Variants in NBEA observed in about 807,000 individuals in gnomAD.
NBEA encodes neurobeachin, also known as lysosomal-trafficking regulator 2.
A neutral mutation model predicts 343.4 loss-of-function variants in NBEA; 44 were observed. The ratio of observed to expected loss-of-function variants is 0.13; its 90% CI spans 0.10 to 0.16. The LOEUF is 0.16. Ranked by LOEUF, NBEA falls within the 10% of genes least tolerant of loss-of-function variation. The pLI is 1.00. For synonymous variants in NBEA, 1,175 were observed against 1,238.7 expected (o/e 0.95, Z 1.08); for missense variants, 2,555 against 3,631.3 (o/e 0.70, Z 7.62).
chr13:35,278,125 TA>T (rs1279648772), intron 34 of NBEA, among the ~76,000 whole-genome samples: 2 of 147,924 alleles, frequency 1.4e-5, no homozygotes, highest in Non-Finnish European at 3.0e-5. Context: ...TATATATACA[TA>T]AAATATATAT....
chr13:35,605,201 T>C (rs1340798215), intron 47 of NBEA, among the ~76,000 whole-genome samples: 1 of 152,186 alleles, frequency 6.6e-6, no homozygotes, highest in Non-Finnish European at 1.5e-5. Context: ...ATGGACCTGT[T>C]GATGCACCCA....
At chr13:35,565,445 T>G (rs2080089051) in intron 44 of NBEA, among the ~76,000 whole-genome samples, 2 of 152,116 alleles carry the variant, frequency 1.3e-5, no homozygotes, top group South Asian at 4.2e-4. Flanking sequence ...TTAATGTAAT[T>G]TCCTGATGAT....
At chr13:35,111,913 CTTTTTTTTTTT>C (rs773135374) in intron 13 of NBEA, among the ~76,000 whole-genome samples, 10 of 122,754 alleles carry the variant, frequency 8.1e-5, no homozygotes, top group Non-Finnish European at 1.7e-4. Flanking sequence ...TAACACTTTC[CTTTTTTTTTTT>C]TTTTTTTTTT....
At chr13:35,652,734 G>A (rs1465845924) in intron 53 of NBEA, among the ~76,000 whole-genome samples, 32 of 102,906 alleles carry the variant, frequency 3.1e-4, no homozygotes, top group African/African-American at 1.1e-3. Flanking sequence ...TCGCTCTGTC[G>A]CCCAGGCTGG....
chr13:35,347,449 G>T (rs1046682191), intron 36 of NBEA, among the ~76,000 whole-genome samples: 4 of 151,960 alleles, frequency 2.6e-5, no homozygotes, highest in African/African-American at 9.7e-5. Flanking sequence ...ATTTAAAAAG[G>T]ACATAGACAA....
intron 49 of NBEA, among the ~76,000 whole-genome samples, chr13:35,645,495 C>A (rs866022170): frequency 6.6e-6 from 1 of 152,068 alleles, no homozygotes; most frequent in Non-Finnish European, 1.5e-5. Context: ...AGTTTGAGGG[C>A]TAAAATTATT....
At chr13:35,496,956 T>C (rs2076705253) in intron 41 of NBEA, among the ~76,000 whole-genome samples, 2 of 152,062 alleles carry the variant, frequency 1.3e-5, no homozygotes, top group Non-Finnish European at 1.5e-5. Context: ...AACTTTTTCC[T>C]AACTTTATCA....
chr13:35,219,779 A>G (rs189985155), intron 33 of NBEA, among the ~76,000 whole-genome samples: 4 of 152,242 alleles, frequency 2.6e-5, no homozygotes, highest in Admixed American at 2.0e-4. Flanking sequence ...CCAAAGGCCA[A>G]GAAGAGACCA....
intron 57 of NBEA, 134 bp from the exon 58 acceptor site, chr13:35,668,234 T>C: frequency 1.4e-6 from 1 of 720,200 alleles, no homozygotes; most frequent in East Asian, 3.0e-5. Context: ...CAGTAGGCAA[T>C]AATGATAAGG....
intron 1 of NBEA, among the ~76,000 whole-genome samples, chr13:34,956,347 A>G (rs970523814): frequency 6.6e-6 from 1 of 151,780 alleles, no homozygotes; most frequent in Non-Finnish European, 1.5e-5. Flanking sequence ...TCAATTTTTT[A>G]TAAGAGCAAA....
At chr13:34,973,346 C>T (rs1328905556) in intron 1 of NBEA, among the ~76,000 whole-genome samples, 2 of 150,550 alleles carry the variant, frequency 1.3e-5, no homozygotes, top group Non-Finnish European at 3.0e-5. Flanking sequence ...GCTGGGGTAC[C>T]ACTTCTGCCT....
intron 38 of NBEA, among the ~76,000 whole-genome samples, chr13:35,357,066 G>T (rs1447029739): frequency 6.6e-6 from 1 of 152,020 alleles, no homozygotes; most frequent in Non-Finnish European, 1.5e-5. Flanking sequence ...CCAGTGCATA[G>T]AACTCTGCAT....
chr13:34,968,072 G>A (rs900246627), intron 1 of NBEA, among the ~76,000 whole-genome samples: 3 of 152,080 alleles, frequency 2.0e-5, no homozygotes, highest in African/African-American at 7.2e-5. Flanking sequence ...GTTCAGGAAA[G>A]TGCTACACTT....
intron 10 of NBEA, among the ~76,000 whole-genome samples, chr13:35,089,915 T>G (rs1593309523): frequency 5.8e-5 from 4 of 68,740 alleles, no homozygotes; most frequent in Admixed American, 2.3e-4. Context: ...TGTTGTGGGG[T>G]GGGGGGAGGG....
intron 18 of NBEA, among the ~76,000 whole-genome samples, chr13:35,152,551 G>C (rs2068861206): frequency 6.6e-6 from 1 of 152,152 alleles, no homozygotes; most frequent in Non-Finnish European, 1.5e-5. Context: ...AGGTGCATCA[G>C]AAAGATAGCT....
At chr13:35,371,662 C>T (rs1185910281) in intron 38 of NBEA, among the ~76,000 whole-genome samples, 1 of 152,006 alleles carries the variant, frequency 6.6e-6, no homozygotes, top group Non-Finnish European at 1.5e-5. Flanking sequence ...TTGGAGATGT[C>T]GTATTTGCTT....
chr13:35,284,209 G>T (rs1013687580), intron 34 of NBEA, among the ~76,000 whole-genome samples: 1 of 152,086 alleles, frequency 6.6e-6, no homozygotes, highest in African/African-American at 2.4e-5. Context: ...AAAGTTTGCT[G>T]CCCCCTAATA....
chr13:35,243,479 A>T (rs1340076179), intron 34 of NBEA, among the ~76,000 whole-genome samples: 2 of 151,908 alleles, frequency 1.3e-5, no homozygotes, highest in Non-Finnish European at 3.0e-5. Context: ...AGCTGAATGG[A>T]TAAAAAATCA....
At chr13:35,584,747 G>T (rs1043177487) in intron 46 of NBEA, among the ~76,000 whole-genome samples, 3 of 151,924 alleles carry the variant, frequency 2.0e-5, no homozygotes, top group Non-Finnish European at 4.4e-5. Flanking sequence ...TGATCCACCT[G>T]TCTTGGCCTC....
Sources: allele counts gnomAD v4.1 joint callset (sites outside exome capture counted in the v4.1 genomes callset), GRCh38; gene constraint gnomAD v4.1.1; transcripts MANE v1.5; gene names NCBI Gene and HGNC (gene_info 2026-07-23, HGNC 2026-07-21).